PCOLCE: variants seen among roughly 807,000 people sequenced by gnomAD.
The protein encoded by PCOLCE is procollagen C-endopeptidase enhancer, also known as procollagen C-endopeptidase enhancer 1.
A neutral mutation model predicts 47.2 loss-of-function variants in PCOLCE; 33 were observed. The ratio of observed to expected loss-of-function variants is 0.70; its 90% CI spans 0.53 to 0.93. PCOLCE has a LOEUF of 0.93. Among genes scored for constraint, PCOLCE ranks in the 40% least tolerant of loss-of-function variants. PCOLCE has a pLI of 0.00. For synonymous variants in PCOLCE, 254 were observed against 252.5 expected, an observed-to-expected ratio of 1.01 and a Z score of -0.06; for missense variants, 584 against 585.3, an observed-to-expected ratio of 1.00 and a Z score of 0.02.
intron 2 of PCOLCE, 68 bp from the exon 3 acceptor site, chr7:100,603,891 G>A: frequency 6.4e-7 from 1 of 1,551,042 alleles, no homozygotes; most frequent in Non-Finnish European, 8.7e-7. Flanking sequence ...TGGGGCAGGG[G>A]AGCTGCCCTC....
At position 100,603,420 on chromosome 7, in the gene PCOLCE, T is replaced by C; in HGVS notation, c.96-10T>C. ...CCCTGCTCTTTCCTGACCCCTTTTC[T>C]GTTCTCCAGACCCGTGTTCCTGTGC... On this transcript the variant is annotated splice_polypyrimidine_tract_variant and intron_variant, in intron 1 of 8. Transcript: ENST00000223061. The C allele has an allele frequency of 6.6e-7, 1 of 1,506,088 alleles. No homozygotes were observed. The highest frequency in any genetic ancestry group is 9.1e-7 in the Non-Finnish European group (1 of 1,092,906). 93.3% of individuals were successfully genotyped at this position (1,506,088 alleles called of 1,614,324 possible). A position where few individuals can be genotyped will look rare whatever the true frequency, so the allele number is the denominator to read the frequency against.
Position 100,604,437 on chromosome 7 carries a change from C to T in PCOLCE, c.463+220C>T, listed in dbSNP as rs568360362. ...CCCATCCCTCTTCCAGGGCCCCCCC[C>T]AGGCGCGAGGCGGAAATGGGTCACC... On this transcript the variant is annotated intron_variant, in intron 3 of 8. Transcript: ENST00000223061. The surrounding 1 kb of genome is among the most constrained non-coding windows in gnomAD (Gnocchi z 6.4). The T allele has an allele frequency of 4.7e-6, 3 of 631,792 alleles. No homozygotes were observed. The highest frequency in any genetic ancestry group is 2.8e-5 in the East Asian group (1 of 36,158). 39.1% of individuals were successfully genotyped at this position (631,792 alleles called of 1,614,324 possible). A position where few individuals can be genotyped will look rare whatever the true frequency, so the allele number is the denominator to read the frequency against.
Position 100,605,960 on chromosome 7 carries a change from AGAG to A in PCOLCE, c.725+152_725+154del, listed in dbSNP as rs1802709206. The A allele has an allele frequency of 1.5e-5, 14 of 936,686 alleles. 1 individual carries two copies. The South Asian group carries it at 2.3e-4, about 15-fold the overall frequency. 58.0% of individuals were successfully genotyped at this position (936,686 alleles called of 1,614,324 possible). On this transcript the variant is annotated intron_variant, in intron 5 of 8. Transcript: ENST00000223061. This position sits in a 1 kb window ranked among gnomAD's most constrained non-coding sequence, Gnocchi z 6.1. ...GGGGAGCAGGTTGGAGGCCAGGCAA[AGAG>A]GAGATTTGGCCCCGGGTCTGGGGTC... is the stretch of plus-strand genomic sequence containing the variant.
chr7:100,605,071 C>T lies in PCOLCE; in HGVS notation c.464-20C>T, dbSNP rs1228115149. On this transcript the variant is annotated intron_variant, in intron 3 of 8. Transcript: ENST00000223061. This position sits in a 1 kb window ranked among gnomAD's most constrained non-coding sequence, Gnocchi z 6.1. ...GGGTCTCCACCGCCCCCCACCCCCG[C>T]TCCTCTCTCCCCTCCCCAGAGCACC... The T allele has an allele frequency of 6.3e-7, 1 of 1,594,098 alleles. No homozygotes were observed. Among genetic ancestry groups the T allele is most frequent in the African/African-American group, 1.3e-5 (1 of 74,580 alleles).
chr7:100,602,918 T>C, intron 1 of PCOLCE: 1 of 323,738 alleles, frequency 3.1e-6, no homozygotes, highest in East Asian at 7.7e-5. Context: ...GAGTGGAGAC[T>C]TGGGAGTCAG....
In PCOLCE at chr7:100,608,044, A is replaced by G; in HGVS notation, c.1291A>G (p.Asn431Asp). 6.2e-7 allele frequency: 1 copy of G among 1,614,044 alleles called. No homozygotes were observed. The highest frequency in any genetic ancestry group is 8.5e-7 in the Non-Finnish European group (1 of 1,180,016). ...HRPNQDQILT[N>D]LSKRKCPSQP... The stretch of plus-strand genomic sequence containing the variant: ...GCCCAACCAGGACCAGATCCTCACC[A>G]ACCTAAGCAAGAGGAAGTGCCCCTC... Residue 431 changes from asparagine (N) to aspartate (D), a missense_variant, in exon 9 of 9, where the codon AAC becomes GAC. By Grantham distance (23) the Asn-to-Asp change is conservative (BLOSUM62 1). Transcript: ENST00000223061.
At position 100,602,528 on chromosome 7, in the gene PCOLCE, G is replaced by C. The variant is rs751918507; in HGVS notation, c.72G>C (p.Gln24His). 2.5e-5 allele frequency: 41 copies of C among 1,611,366 alleles called. No individual in the cohort carries two copies. The highest frequency in any genetic ancestry group is 3.3e-5 in the Non-Finnish European group (39 of 1,178,172). The change falls in exon 1 of 9, where the codon CAG becomes CAC. Residue 24 changes from glutamine (Q) to histidine (H), a missense_variant. Transcript: ENST00000223061. ...CCTGCGCCCTGCTGCCTTTTGCCCAGGGCCAGACCCCCAACTACACCAGGT... is the reference window on the plus strand; with the variant it reads ...CCTGCGCCCTGCTGCCTTTTGCCCACGGCCAGACCCCCAACTACACCAGGT... ...LTACALLPFA[Q>H]GQTPNYTRPV...
In PCOLCE at chr7:100,608,000, G is replaced by C; in HGVS notation, c.1247G>C (p.Ser416Thr). The C allele has an allele frequency of 1.9e-6, 3 of 1,614,154 alleles. No individual in the cohort carries two copies. Among genetic ancestry groups the C allele is most frequent in the Non-Finnish European group, 2.5e-6 (3 of 1,180,018 alleles). The change falls in exon 9 of 9, where the codon AGC (serine) becomes ACC (threonine). Residue 416 changes from serine (S) to threonine (T), a missense_variant. Ser to Thr is a moderately conservative substitution (Grantham distance 58). Transcript: ENST00000223061. ...ENRGPVLPPE[S>T]FVVLHRPNQD... ...AGAGGCCCCGTCCTTCCTCCAGAGAGCTTTGTGGTTCTCCACCGGCCCAAC... is the reference window on the plus strand; with the variant it reads ...AGAGGCCCCGTCCTTCCTCCAGAGACCTTTGTGGTTCTCCACCGGCCCAAC...
In PCOLCE at chr7:100,606,519, A is replaced by G. The variant is rs1802719798; in HGVS notation, c.829A>G (p.Thr277Ala). 3 of 1,614,072 alleles carry G rather than the reference A, an allele frequency of 1.9e-6. No homozygotes were observed. Among genetic ancestry groups the G allele is most frequent in the Admixed American group, 1.7e-5 (1 of 60,006 alleles). Residue 277 changes from threonine to alanine, a missense_variant, in exon 6 of 9, where the codon ACT (threonine) becomes GCT (alanine). Physicochemically the swap from Thr to Ala is moderately conservative, Grantham distance 58. Transcript: ENST00000223061. ...SASYKTLPRG[T>A]AKEGQGPGPK... ...CTCCTACAAGACCCTGCCGCGGGGC[A>G]CTGCCAAAGAAGGGCAAGGGCCCGG...
intron 2 of PCOLCE, 81 bp downstream of exon 2, chr7:100,603,619 TC>T (rs58213224): frequency 7.9e-5 from 23 of 289,558 alleles, no homozygotes; most frequent in Middle Eastern, 7.6e-4. Context: ...CCCCCCCCCG[TC>T]CCCCCCGCAC....
In PCOLCE at chr7:100,604,124, G is replaced by A. The variant is rs748474807; in HGVS notation, c.370G>A (p.Gly124Ser). Reference protein sequence around the residue: ...TFRPAPLVAPGNQVTLRMTTD... With the variant: ...TFRPAPLVAPSNQVTLRMTTD... ...CCGGCCTGCGCCCCTAGTCGCCCCCGGCAACCAGGTGACCCTGAGGATGAC... is the reference window on the plus strand; with the variant it reads ...CCGGCCTGCGCCCCTAGTCGCCCCCAGCAACCAGGTGACCCTGAGGATGAC... The change falls in exon 3 of 9, where the codon GGC becomes AGC. Residue 124 changes from glycine to serine, a missense_variant. Gly to Ser is a moderately conservative substitution (Grantham distance 56, BLOSUM62 0). Coordinates refer to ENST00000223061, the MANE Select transcript of PCOLCE (RefSeq NM_002593.4). This position sits in a 1 kb window ranked among gnomAD's most constrained non-coding sequence, Gnocchi z 6.4. The A allele has an allele frequency of 1.4e-5, 23 of 1,612,304 alleles. No homozygotes were observed. The East Asian group carries it at 3.6e-4, about 25-fold the overall frequency.
Position 100,605,457 on chromosome 7 carries a change from T to A in PCOLCE, c.589-219T>A. On this transcript the variant is annotated intron_variant, in intron 4 of 8. Transcript: ENST00000223061. The surrounding 1 kb of genome is among the most constrained non-coding windows in gnomAD (Gnocchi z 6.1). ...AACACGCGGGCCTGTCACTTGTGAGTGCGCCAGGACTTGACCTTGCCAACC... is the reference window on the plus strand; with the variant it reads ...AACACGCGGGCCTGTCACTTGTGAGAGCGCCAGGACTTGACCTTGCCAACC... 1 of 659,540 alleles carries A rather than the reference T, an allele frequency of 1.5e-6. No individual in the cohort carries two copies. The allele number at this position is 659,540 out of a possible 1,614,324, so 40.9% of individuals were successfully genotyped here.
rs1802669729 is a variant in PCOLCE, at chr7:100,604,239, C to T, written c.463+22C>T. 2 of 1,596,158 alleles carry T rather than the reference C, an allele frequency of 1.3e-6. No homozygotes were observed. Among genetic ancestry groups the T allele is most frequent in the Non-Finnish European group, 1.7e-6 (2 of 1,174,028 alleles). The stretch of plus-strand genomic sequence containing the variant: ...ACTGGTGAGAACTCCCTCACCTCCG[C>T]CTTCCCCCCCTCCAGGCCCCGCCCC... On this transcript the variant is annotated intron_variant, in intron 3 of 8. Transcript: ENST00000223061. This position sits in a 1 kb window ranked among gnomAD's most constrained non-coding sequence, Gnocchi z 6.4.
intron 2 of PCOLCE, 75 bp downstream of exon 2, chr7:100,603,613 C>G (rs575217137): frequency 1.7e-5 from 11 of 634,468 alleles, no homozygotes; most frequent in East Asian, 6.0e-5. Context: ...AGGGACCCCC[C>G]CCCCGTCCCC....
chr7:100,606,684 A>G, intron 6 of PCOLCE, 54 bp downstream of exon 6: 2 of 1,410,106 alleles, frequency 1.4e-6, no homozygotes, highest in South Asian at 2.7e-5. Flanking sequence ...GCCATTTCAA[A>G]AAGTTCTGAC....
intron 1 of PCOLCE, 184 bp downstream of exon 1, chr7:100,602,735 G>T (rs543568766): frequency 6.7e-6 from 4 of 597,884 alleles, no homozygotes; most frequent in Non-Finnish European, 1.2e-5. Flanking sequence ...TCTCCTGCAG[G>T]CCACCACTGC....
chr7:100,603,163 A>C lies in PCOLCE; in HGVS notation c.96-267A>C, dbSNP rs537134886. 2.4e-4 allele frequency: 83 copies of C among 342,430 alleles called. No individual in the cohort carries two copies. In the Admixed American group the frequency reaches 3.5e-3, roughly 14 times the overall value. The allele number at this position is 342,430 out of a possible 1,614,324, so 21.2% of individuals were successfully genotyped here. ...AGGGGGGCCGAGGAGGATTCCGGGA[A>C]TTCCTGTTGGGGTGGGGGTGGGGAC... On this transcript the variant is annotated intron_variant, in intron 1 of 8. Transcript: ENST00000223061.
In PCOLCE at chr7:100,606,517, G is replaced by C. The variant is rs751329942; in HGVS notation, c.827G>C (p.Gly276Ala). ...GCCTCCTACAAGACCCTGCCGCGGG[G>C]CACTGCCAAAGAAGGGCAAGGGCCC... ...FSASYKTLPR[G>A]TAKEGQGPGP... The change falls in exon 6 of 9, where the codon GGC becomes GCC. Residue 276 changes from glycine (G) to alanine (A), a missense_variant. Physicochemically the swap from Gly to Ala is moderately conservative, Grantham distance 60. Coordinates refer to ENST00000223061, the MANE Select transcript of PCOLCE (RefSeq NM_002593.4). 1.2e-6 allele frequency: 2 copies of C among 1,614,204 alleles called. No homozygotes were observed. Among genetic ancestry groups the C allele is most frequent in the East Asian group, 4.5e-5 (2 of 44,882 alleles).
At chr7:100,606,285 A>G in intron 5 of PCOLCE, 131 bp from the exon 6 acceptor site, 1 of 635,996 alleles carries the variant, frequency 1.6e-6, no homozygotes, top group Non-Finnish European at 2.7e-6. Flanking sequence ...GCCTAGATGG[A>G]GCCACTGCAC....
Sources: gnomAD v4.1 joint callset for allele counts on GRCh38, gnomAD v4.1.1 for gene constraint, Gnocchi (gnomAD v3.1) non-coding constraint, MANE v1.5 for transcripts, NCBI Gene and HGNC (gene_info 2026-07-23, HGNC 2026-07-21) for gene names.